BRINP3: variants seen among roughly 807,000 people sequenced by gnomAD.
The protein encoded by BRINP3 is BMP/retinoic acid inducible neural specific 3.
In BRINP3, 19 loss-of-function variants were observed where a neutral mutation model predicts 71.0. That is an observed-to-expected ratio of 0.27 (90% CI 0.19 to 0.39). The LOEUF is 0.39. Ranked by LOEUF, BRINP3 falls within the 10% of genes least tolerant of loss-of-function variation. BRINP3 has a pLI of 1.00. For synonymous variants in BRINP3, 380 were observed against 337.7 expected, an observed-to-expected ratio of 1.13 and a Z score of -1.37; for missense variants, 959 against 940.8, an observed-to-expected ratio of 1.02 and a Z score of -0.25.
At chr1:190,200,850 T>C (rs891916643) in intron 6 of BRINP3, among the ~76,000 whole-genome samples, 2 of 152,142 alleles carry the variant, frequency 1.3e-5, no homozygotes, top group Non-Finnish European at 2.9e-5. Flanking sequence ...TGTTCTGCCA[T>C]GATTGTGAGG....
At chr1:190,379,689 A>G (rs573155584) in intron 2 of BRINP3, among the ~76,000 whole-genome samples, 10 of 152,258 alleles carry the variant, frequency 6.6e-5, no homozygotes, top group African/African-American at 2.4e-4. Flanking sequence ...CAATTAATAA[A>G]GAAATCTGTA....
intron 2 of BRINP3, among the ~76,000 whole-genome samples, chr1:190,310,356 A>T (rs1665428371): frequency 2.0e-5 from 3 of 151,708 alleles, no homozygotes; most frequent in Admixed American, 1.3e-4. Context: ...TTCTGAAAAT[A>T]CTAATTTGTG....
chr1:190,104,892 T>C (rs142736807), intron 7 of BRINP3, among the ~76,000 whole-genome samples: 164 of 152,224 alleles, frequency 1.1e-3, no homozygotes, highest in African/African-American at 3.7e-3. Context: ...GCAATGTGGA[T>C]ACAAACTTTA....
chr1:190,326,630 G>T (rs1054769118), intron 2 of BRINP3, among the ~76,000 whole-genome samples: 16 of 152,084 alleles, frequency 1.1e-4, no homozygotes, highest in African/African-American at 3.9e-4. Context: ...AGTCAGGAGA[G>T]ATTTGGGGGC....
At chr1:190,111,732 A>G (rs904836675) in intron 7 of BRINP3, among the ~76,000 whole-genome samples, 2 of 152,098 alleles carry the variant, frequency 1.3e-5, no homozygotes, top group Non-Finnish European at 2.9e-5. Context: ...TGCCATTTCA[A>G]AGTCACAATC....
chr1:190,195,727 T>C (rs1654420821), intron 6 of BRINP3, among the ~76,000 whole-genome samples: 2 of 152,072 alleles, frequency 1.3e-5, no homozygotes, highest in South Asian at 4.1e-4. Flanking sequence ...CTTCTTCATT[T>C]TTTTCTTCCT....
intron 2 of BRINP3, among the ~76,000 whole-genome samples, chr1:190,284,656 CT>C (rs1018255954): frequency 4.6e-5 from 7 of 151,960 alleles, no homozygotes; most frequent in African/African-American, 1.7e-4. Context: ...CTATCAGGTA[CT>C]TTTTACTCAC....
intron 2 of BRINP3, among the ~76,000 whole-genome samples, chr1:190,421,002 A>G (rs1375632141): frequency 6.6e-6 from 1 of 151,762 alleles, no homozygotes; most frequent in African/African-American, 2.4e-5. Context: ...CAAATATAAG[A>G]ATTGCATGAT....
At chr1:190,461,092 C>A (rs143310082) in intron 1 of BRINP3, among the ~76,000 whole-genome samples, 1 of 152,120 alleles carries the variant, frequency 6.6e-6, no homozygotes, top group Non-Finnish European at 1.5e-5. Flanking sequence ...AAATCCTTTA[C>A]CCCCAATTAT....
intron 7 of BRINP3, among the ~76,000 whole-genome samples, chr1:190,105,350 T>A (rs906167293): frequency 6.6e-6 from 1 of 152,058 alleles, no homozygotes; most frequent in African/African-American, 2.4e-5. Context: ...TATCTACTAA[T>A]AATTTTGGCT....
intron 7 of BRINP3, among the ~76,000 whole-genome samples, chr1:190,139,768 G>A (rs1216998827): frequency 6.6e-6 from 1 of 152,050 alleles, no homozygotes; most frequent in Admixed American, 6.6e-5. Context: ...AATCTACATA[G>A]TTAAGGTTTT....
chr1:190,262,455 T>A (rs1035965020), intron 4 of BRINP3, among the ~76,000 whole-genome samples: 1 of 152,148 alleles, frequency 6.6e-6, no homozygotes, highest in African/African-American at 2.4e-5. Context: ...GCTTATCTTA[T>A]TTCCTTTTTT....
chr1:190,234,561 T>G, intron 4 of BRINP3, 84 bp from the exon 5 acceptor site: 2 of 981,742 alleles, frequency 2.0e-6, no homozygotes, highest in South Asian at 3.1e-5. Context: ...CACACTAATA[T>G]TATACGTTTG....
chr1:190,437,805 C>G (rs1230899866), intron 2 of BRINP3, among the ~76,000 whole-genome samples: 1 of 151,610 alleles, frequency 6.6e-6, no homozygotes, highest in Non-Finnish European at 1.5e-5. Context: ...CATGGAAATG[C>G]AATTAATCCA....
At chr1:190,381,306 A>AACAAAAAAC (rs1553307287) in intron 2 of BRINP3, among the ~76,000 whole-genome samples, 23 of 151,960 alleles carry the variant, frequency 1.5e-4, no homozygotes, top group African/African-American at 3.4e-4. Flanking sequence ...AAACAAAAAA[A>AACAAAAAAC]CACCGACGAT....
At chr1:190,226,619 T>C (rs908981602) in intron 5 of BRINP3, among the ~76,000 whole-genome samples, 7 of 151,984 alleles carry the variant, frequency 4.6e-5, no homozygotes, top group African/African-American at 1.4e-4. Flanking sequence ...TTACATAATA[T>C]AGATGGAGCC....
chr1:190,440,396 A>G (rs1674739323), intron 2 of BRINP3, among the ~76,000 whole-genome samples: 1 of 151,940 alleles, frequency 6.6e-6, no homozygotes. Flanking sequence ...TTAAGTATTG[A>G]CCTTAAAGAA....
intron 1 of BRINP3, among the ~76,000 whole-genome samples, chr1:190,460,857 G>A (rs1001772755): frequency 6.6e-6 from 1 of 152,134 alleles, no homozygotes; most frequent in East Asian, 1.9e-4. Context: ...CTGTCCTCAA[G>A]TTCTGTACAT....
At chr1:190,239,327 C>T (rs1450251883) in intron 4 of BRINP3, among the ~76,000 whole-genome samples, 1 of 152,052 alleles carries the variant, frequency 6.6e-6, no homozygotes, top group Non-Finnish European at 1.5e-5. Flanking sequence ...CCACAGAATA[C>T]TGAACATGAA....
Sources: allele counts gnomAD v4.1 joint callset (sites outside exome capture counted in the v4.1 genomes callset), GRCh38; gene constraint gnomAD v4.1.1; transcripts MANE v1.5; gene names NCBI Gene and HGNC (gene_info 2026-07-23, HGNC 2026-07-21).